Variants in RBL1 observed in about 807,000 individuals in gnomAD.
The protein encoded by RBL1 is retinoblastoma-like protein 1.
RBL1 carries 82 observed loss-of-function variants against 123.0 expected under a neutral mutation model. The observed-to-expected ratio is 0.67, with a 90% CI of 0.56 to 0.80. The LOEUF (loss-of-function observed/expected upper bound fraction) is 0.80. Among genes scored for constraint, RBL1 ranks in the 30% least tolerant of loss-of-function variants. The probability of loss-of-function intolerance (pLI) is 0.00; values close to 1 mark genes in which losing one functional copy is unlikely to be tolerated. For missense variants in RBL1, 1,171 were observed against 1,299.6 expected (o/e 0.90, Z 1.52); for synonymous variants, 405 against 441.3 (o/e 0.92, Z 1.03).
chr20:37,057,763 T>C (rs778105266), intron 9 of RBL1, among the ~76,000 whole-genome samples: 6 of 152,034 alleles, frequency 3.9e-5, no homozygotes, highest in Non-Finnish European at 7.4e-5. Context: ...CCAAGGTAGG[T>C]GGATCACTTG....
At chr20:37,027,115 G>A (rs1221548677) in intron 16 of RBL1, among the ~76,000 whole-genome samples, 2 of 152,054 alleles carry the variant, frequency 1.3e-5, no homozygotes, top group Non-Finnish European at 2.9e-5. Flanking sequence ...GGAGGCTGAG[G>A]TGGGAGGATC....
At position 37,013,573 on chromosome 20, in the gene RBL1, A is replaced by G. The variant is rs190519265; in HGVS notation, c.2722+4706T>C. Among the ~76,000 whole-genome samples, 460 of 146,204 alleles carry G rather than the reference A, an allele frequency of 3.1e-3. 5 individuals are homozygous for G. Among genetic ancestry groups the G allele is most frequent in the African/African-American group, 0.012 (447 of 37,562 alleles). On this transcript the variant is annotated intron_variant, in intron 19 of 21. Coordinates refer to ENST00000373664, the MANE Select transcript of RBL1 (RefSeq NM_002895.5). ...AAATCTCCCTCTGCGAGAAACACCC[A>G]AGAATGATCAATAAAAAAAAAAAAA...
chr20:37,070,142 G>A (rs4266078), intron 2 of RBL1, among the ~76,000 whole-genome samples: 18 of 152,174 alleles, frequency 1.2e-4, no homozygotes, highest in Admixed American at 4.6e-4. Context: ...TTCTTCTGCC[G>A]TGGGATCCTG....
chr20:36,998,491 T>G lies in RBL1; in HGVS notation c.*268A>C, dbSNP rs2063913064. On this transcript the variant is annotated 3_prime_UTR_variant, in exon 22 of 22. Coordinates refer to ENST00000373664, the MANE Select transcript of RBL1 (RefSeq NM_002895.5). ...TGCCCGCCTTGGCCTCCCAAAGTCC[T>G]GGGATTACAGGCGTGAGCCACAGCG... 3.6e-6 allele frequency: 1 copy of G among 280,158 alleles called. No individual in the cohort carries two copies. The highest frequency in any genetic ancestry group is 9.9e-5 in the East Asian group (1 of 10,124). The allele number at this position is 280,158 out of a possible 1,614,324, so 17.4% of individuals were successfully genotyped here.
intron 14 of RBL1, among the ~76,000 whole-genome samples, chr20:37,038,598 C>CT (rs1185859018): frequency 0.011 from 1,327 of 118,556 alleles, 20 homozygotes; most frequent in African/African-American, 0.018. Context: ...TGTGCCTGGC[C>CT]TTTTTTTTTT....
intron 19 of RBL1, among the ~76,000 whole-genome samples, chr20:37,016,988 G>GGGAGA (rs1266913883): frequency 5.3e-5 from 8 of 151,346 alleles, no homozygotes; most frequent in Admixed American, 4.6e-4. Flanking sequence ...GAGAGGAGAG[G>GGGAGA]GGAGAGGAGA....
chr20:37,000,501 G>A (rs1452575850), intron 21 of RBL1, among the ~76,000 whole-genome samples: 35 of 138,696 alleles, frequency 2.5e-4, no homozygotes, highest in East Asian at 7.2e-4. Flanking sequence ...CAGCCGCCCC[G>A]TCCGGGAGGT....
intron 11 of RBL1, chr20:37,049,210 A>G (rs1429475055): frequency 7.5e-6 from 3 of 400,436 alleles, no homozygotes; most frequent in East Asian, 9.7e-5. Context: ...CCAAAAAACA[A>G]AAAACAAAAA....
chr20:37,020,198 C>G (rs2064318788), intron 18 of RBL1, among the ~76,000 whole-genome samples: 1 of 151,180 alleles, frequency 6.6e-6, no homozygotes, highest in South Asian at 2.1e-4. Context: ...AATCAATTCT[C>G]CTGCCTCAGC....
chr20:37,000,877 G>T (rs1490859322), intron 21 of RBL1, among the ~76,000 whole-genome samples: 4 of 132,284 alleles, frequency 3.0e-5, no homozygotes, highest in African/African-American at 1.1e-4. Context: ...CCGGCCAGCC[G>T]CCCCGTCCAG....
At position 37,067,071 on chromosome 20, in the gene RBL1, G is replaced by T. The variant is rs747110056; in HGVS notation, c.607C>A (p.Leu203Ile). The T allele has an allele frequency of 5.0e-6, 8 of 1,606,666 alleles. No homozygotes were observed. The highest frequency in any genetic ancestry group is 3.4e-5 in the Admixed American group (2 of 59,172). The change falls in exon 5 of 22, where the codon CTA becomes ATA. Residue 203 changes from leucine (L) to isoleucine (I), a missense_variant. By Grantham distance (5) the Leu-to-Ile change is conservative. Transcript: ENST00000373664. ...DDLVNSYHLLLCCLDLIFANA... is the reference protein window; with the variant it reads ...DDLVNSYHLLICCLDLIFANA... ...GCAAAAATCAGATCCAAGCAGCATA[G>T]AAGTAAATGATAAGAGTTTACTAAG...
chr20:37,031,729 A>T (rs1485593541), intron 16 of RBL1, among the ~76,000 whole-genome samples: 1 of 152,006 alleles, frequency 6.6e-6, no homozygotes, highest in East Asian at 1.9e-4. Context: ...ACTTGAATAG[A>T]TATTTGTTGC....
intron 20 of RBL1, among the ~76,000 whole-genome samples, chr20:37,005,661 G>A (rs1229560920): frequency 6.6e-6 from 1 of 152,160 alleles, no homozygotes; most frequent in Non-Finnish European, 1.5e-5. Flanking sequence ...TTAATATCCT[G>A]TATAATGGAA....
chr20:37,067,037 A>C lies in RBL1; in HGVS notation c.641T>G (p.Ile214Ser). The C allele has an allele frequency of 6.2e-7, 1 of 1,611,212 alleles. No homozygotes were observed. Among genetic ancestry groups the C allele is most frequent in the South Asian group, 1.1e-5 (1 of 90,862 alleles). ...CCLDLIFANA[I>S]MCPNRQDLLN... ...CAAGTCTTGTCTATTTGGGCACATA[A>C]TCGCATTGGCAAAAATCAGATCCAA... is the stretch of plus-strand genomic sequence containing the variant. The change falls in exon 5 of 22, where the codon ATT becomes AGT. Residue 214 changes from isoleucine (I) to serine (S), a missense_variant. Physicochemically the swap from Ile to Ser is moderately radical, Grantham distance 142. Coordinates refer to ENST00000373664, the MANE Select transcript of RBL1 (RefSeq NM_002895.5).
At chr20:37,023,828 G>C (rs962171614) in intron 16 of RBL1, among the ~76,000 whole-genome samples, 43 of 144,296 alleles carry the variant, frequency 3.0e-4, no homozygotes, top group Non-Finnish European at 5.7e-4. Context: ...GCCTAAGTTG[G>C]AGTGCAGTGG....
intron 2 of RBL1, among the ~76,000 whole-genome samples, chr20:37,084,471 T>C (rs1383160815): frequency 2.0e-5 from 3 of 151,980 alleles, no homozygotes; most frequent in Non-Finnish European, 4.4e-5. Flanking sequence ...GCAACACATA[T>C]AGTATAATTT....
At chr20:37,095,720 G>A (rs2065725573) in intron 1 of RBL1, 53 bp downstream of exon 1, 4 of 1,492,718 alleles carry the variant, frequency 2.7e-6, no homozygotes, top group Non-Finnish European at 9.0e-7. Context: ...GGGCGGGGCA[G>A]GGGTGGGGCC....
At chr20:37,079,465 A>ATTT (rs768901139) in intron 2 of RBL1, among the ~76,000 whole-genome samples, 24,607 of 115,458 alleles carry the variant, frequency 0.21, 3,172 homozygotes, top group Middle Eastern at 0.32. Context: ...GGCTTAAAGC[A>ATTT]TTTTTTTTTT....
Position 37,056,239 on chromosome 20 carries a change from C to A in RBL1, c.1270G>T (p.Val424Leu), listed in dbSNP as rs148543420. The change falls in exon 10 of 22, where the codon GTG (valine) becomes TTG (leucine). Residue 424 changes from valine to leucine, a missense_variant. Physicochemically the swap from Val to Leu is conservative, Grantham distance 32. Transcript: ENST00000373664. ...NIFESCVRNP[V>L]ENIMKILKGI... ...TTTAGTATTTTCATAATGTTTTCCA[C>A]AGGATTACGCACACAAGATCTACAA... 4 of 1,606,882 alleles carry A rather than the reference C, an allele frequency of 2.5e-6. No individual in the cohort carries two copies. The highest frequency in any genetic ancestry group is 3.4e-6 in the Non-Finnish European group (4 of 1,178,616).
Sources: gnomAD v4.1 joint callset for allele counts (sites outside exome capture counted in the v4.1 genomes callset) on GRCh38, gnomAD v4.1.1 for gene constraint, MANE v1.5 for transcripts, NCBI Gene and HGNC (gene_info 2026-07-23, HGNC 2026-07-21) for gene names.